AGPS: variants seen among roughly 807,000 people sequenced by gnomAD.
AGPS encodes alkyldihydroxyacetonephosphate synthase, peroxisomal.
A neutral mutation model predicts 90.7 loss-of-function variants in AGPS; 26 were observed. The observed-to-expected ratio is 0.29, with a 90% CI of 0.21 to 0.40. The LOEUF (loss-of-function observed/expected upper bound fraction) is 0.40. Among genes scored for constraint, AGPS ranks in the 10% least tolerant of loss-of-function variants. The pLI, the probability that AGPS is intolerant of heterozygous loss-of-function variation, is 1.00. For missense variants in AGPS, 540 were observed against 816.1 expected (o/e 0.66, Z 4.12); for synonymous variants, 294 against 285.3 (o/e 1.03, Z -0.31).
At chr2:177,429,735 G>A (rs1187694072) in intron 2 of AGPS, among the ~76,000 whole-genome samples, 2 of 152,184 alleles carry the variant, frequency 1.3e-5, no homozygotes, top group African/African-American at 2.4e-5. Context: ...TGCTGGCCTG[G>A]ATGCTCCCAT....
At chr2:177,437,671 C>A (rs1474449074) in intron 5 of AGPS, among the ~76,000 whole-genome samples, 1 of 152,086 alleles carries the variant, frequency 6.6e-6, no homozygotes, top group Non-Finnish European at 1.5e-5. Context: ...GTATATTGTT[C>A]CTTGCTGTCC....
chr2:177,495,917 C>T, intron 12 of AGPS, among the ~76,000 whole-genome samples: 1 of 93,148 alleles, frequency 1.1e-5, no homozygotes, highest in South Asian at 3.9e-4. Context: ...GACTCTGTCT[C>T]AAAAAAAAAA....
intron 15 of AGPS, 69 bp from the exon 16 acceptor site, chr2:177,507,901 G>A: frequency 2.8e-6 from 3 of 1,054,550 alleles, no homozygotes; most frequent in Non-Finnish European, 4.5e-6. Flanking sequence ...GAATATGAAA[G>A]ACTAACAGTG....
chr2:177,495,683 G>A (rs1192440556), intron 12 of AGPS, among the ~76,000 whole-genome samples: 4 of 151,412 alleles, frequency 2.6e-5, no homozygotes, highest in Admixed American at 6.6e-5. Flanking sequence ...CAAGGCAGGC[G>A]GATCACCTGA....
chr2:177,454,702 G>C (rs778657809), intron 8 of AGPS, among the ~76,000 whole-genome samples: 19 of 151,868 alleles, frequency 1.3e-4, no homozygotes, highest in Non-Finnish European at 2.2e-4. Context: ...ATATTCTTCA[G>C]CTTTTCTCCT....
At chr2:177,470,008 G>C (rs1437296772) in intron 10 of AGPS, among the ~76,000 whole-genome samples, 1 of 152,186 alleles carries the variant, frequency 6.6e-6, no homozygotes, top group Non-Finnish European at 1.5e-5. Context: ...GCTTACAAAG[G>C]CTTCCCCAGG....
chr2:177,420,410 T>A (rs766368605), intron 2 of AGPS, 52 bp downstream of exon 2: 2 of 1,368,926 alleles, frequency 1.5e-6, no homozygotes, highest in East Asian at 4.6e-5. Flanking sequence ...TTTCTTTCTA[T>A]GAAAAATTTT....
At chr2:177,443,564 G>T (rs1370343512) in intron 7 of AGPS, among the ~76,000 whole-genome samples, 4 of 152,150 alleles carry the variant, frequency 2.6e-5, no homozygotes, top group Non-Finnish European at 5.9e-5. Flanking sequence ...TTTACAGCAA[G>T]AATCCCTCAT....
intron 17 of AGPS, 99 bp from the exon 18 acceptor site, chr2:177,521,170 T>G: frequency 1.9e-6 from 2 of 1,034,566 alleles, no homozygotes; most frequent in South Asian, 1.3e-5. Flanking sequence ...GATTATATCT[T>G]AAACTAATCA....
At chr2:177,439,439 C>G (rs947318809) in intron 5 of AGPS, among the ~76,000 whole-genome samples, 2 of 151,952 alleles carry the variant, frequency 1.3e-5, no homozygotes, top group African/African-American at 2.4e-5. Context: ...GATAATTTTG[C>G]CTTGTTGAAG....
intron 1 of AGPS, among the ~76,000 whole-genome samples, chr2:177,408,167 G>C (rs548167074): frequency 1.3e-5 from 2 of 152,136 alleles, no homozygotes; most frequent in African/African-American, 4.8e-5. Context: ...GCAGTTTCTC[G>C]TACTGTGTTT....
At chr2:177,493,825 A>T (rs555081441) in intron 12 of AGPS, among the ~76,000 whole-genome samples, 3 of 152,288 alleles carry the variant, frequency 2.0e-5, no homozygotes, top group Admixed American at 1.3e-4. Flanking sequence ...CATGGAGGAG[A>T]GACACTAGGA....
intron 1 of AGPS, among the ~76,000 whole-genome samples, chr2:177,419,628 T>C (rs1685887454): frequency 6.6e-6 from 1 of 151,920 alleles, no homozygotes; most frequent in Admixed American, 6.6e-5. Context: ...AATAGCATGT[T>C]ATGAAATATT....
chr2:177,533,395 C>G lies in AGPS; in HGVS notation c.1856-4679C>G, dbSNP rs116614435. On this transcript the variant is annotated intron_variant, in intron 19 of 19. Coordinates refer to ENST00000264167, the MANE Select transcript of AGPS (RefSeq NM_003659.4). ...CCCTGCTCCCCACCCCACCATCCCC[C>G]CACCCCTGTGTGACTACAGGGGCCA... 2.6e-3 allele frequency among the ~76,000 whole-genome samples: 394 copies of G among 152,212 alleles called. 5 individuals carry two copies. The highest frequency in any genetic ancestry group is 0.01 in the Middle Eastern group (3 of 294).
chr2:177,442,472 G>A lies in AGPS; in HGVS notation c.775G>A (p.Asp259Asn). Residue 259 changes from aspartate (D) to asparagine (N), a missense_variant, in exon 7 of 20, where the codon GAC becomes AAC. Transcript: ENST00000264167. ...TGAGACAAGAACAATTATTTCTTTG[G>A]ACACTTCACAAATGGTATTTAATAA... ...ADETRTIISL[D>N]TSQMNRILWV... 6.2e-7 allele frequency: 1 copy of A among 1,610,156 alleles called. No individual in the cohort carries two copies. Among genetic ancestry groups the A allele is most frequent in the Non-Finnish European group, 8.5e-7 (1 of 1,176,552 alleles).
intron 9 of AGPS, among the ~76,000 whole-genome samples, chr2:177,467,254 T>C (rs1054014080): frequency 6.6e-6 from 1 of 152,246 alleles, no homozygotes; most frequent in East Asian, 1.9e-4. Context: ...TATATTAACA[T>C]GTAAATGAAC....
intron 8 of AGPS, among the ~76,000 whole-genome samples, chr2:177,450,358 G>A (rs1197627012): frequency 6.6e-6 from 1 of 152,118 alleles, no homozygotes; most frequent in Non-Finnish European, 1.5e-5. Flanking sequence ...TGCTTCTGCT[G>A]TTGTGTCATA....
chr2:177,409,106 C>G (rs754367542), intron 1 of AGPS, among the ~76,000 whole-genome samples: 1 of 151,864 alleles, frequency 6.6e-6, no homozygotes, highest in African/African-American at 2.4e-5. Context: ...ATGGGTTTGC[C>G]GGAAGCAAAG....
chr2:177,493,614 A>G lies in AGPS; in HGVS notation c.1285+415A>G, dbSNP rs114437197. Among the ~76,000 whole-genome samples the G allele has an allele frequency of 5.2e-3, 797 of 152,268 alleles. 8 individuals carry two copies. Among genetic ancestry groups the G allele is most frequent in the African/African-American group, 0.018 (747 of 41,554 alleles). Reference sequence around the variant, plus strand: ...CAATGATGTGTGTTAGGGGACTTCAAATTGTTCTATGTGGCTCAAATAGAG... The same window carrying G: ...CAATGATGTGTGTTAGGGGACTTCAGATTGTTCTATGTGGCTCAAATAGAG... On this transcript the variant is annotated intron_variant, in intron 12 of 19. Coordinates refer to ENST00000264167, the MANE Select transcript of AGPS (RefSeq NM_003659.4).
Sources: gnomAD v4.1 joint callset for allele counts (sites outside exome capture counted in the v4.1 genomes callset) on GRCh38, gnomAD v4.1.1 for gene constraint, MANE v1.5 for transcripts, NCBI Gene and HGNC (gene_info 2026-07-23, HGNC 2026-07-21) for gene names.